The following PPP2R2C variants were observed in gnomAD, a reference collection of about 807,000 sequenced individuals.
PPP2R2C encodes the protein protein phosphatase 2, regulatory subunit B, gamma.
Under a neutral mutation model 45.3 loss-of-function variants are expected in PPP2R2C, and 10 were observed. That is an observed-to-expected ratio of 0.22 (90% CI 0.14 to 0.37). The LOEUF (loss-of-function observed/expected upper bound fraction) is 0.37. PPP2R2C is among the 10% of genes least tolerant of loss of function. PPP2R2C has a pLI of 1.00. For synonymous variants in PPP2R2C, 257 were observed against 245.4 expected (o/e 1.05, Z -0.44); for missense variants, 308 against 619.7 (o/e 0.50, Z 5.34).
intron 1 of PPP2R2C, among the ~76,000 whole-genome samples, chr4:6,413,262 C>T (rs993792589): frequency 4.7e-5 from 4 of 85,844 alleles, no homozygotes. Context: ...CATGTACTCG[C>T]ACACACATTG....
chr4:6,328,754 G>A lies in PPP2R2C; in HGVS notation c.1052+508C>T, dbSNP rs1222462489. Among the ~76,000 whole-genome samples, 2 of 152,210 alleles carry A rather than the reference G, an allele frequency of 1.3e-5. No homozygotes were observed. The highest frequency in any genetic ancestry group is 2.1e-4 in the South Asian group (1 of 4,832). ...ATTGTGACAAGCCCTGGAGGGTGTA[G>A]GAGCTCCAAGGTGCCCCTGAGCCTC... On this transcript the variant is annotated intron_variant, in intron 8 of 8. Transcript: ENST00000382599. The surrounding 1 kb of genome is among the most constrained non-coding windows in gnomAD (Gnocchi z 4.4).
upstream of PPP2R2C, among the ~76,000 whole-genome samples, chr4:6,472,657 T>A (rs914008232): frequency 1.3e-5 from 2 of 149,456 alleles, no homozygotes; most frequent in Non-Finnish European, 3.0e-5. Flanking sequence ...CGCAGGCCCC[T>A]CCCTCGCGCC....
chr4:6,327,593 G>C (rs1732050226), intron 8 of PPP2R2C, among the ~76,000 whole-genome samples: 1 of 152,208 alleles, frequency 6.6e-6, no homozygotes, highest in Non-Finnish European at 1.5e-5. Context: ...GACCCTCTTG[G>C]GACCCACTGC....
chr4:6,554,905 A>G (rs1199393782), intron 1 of PPP2R2C, among the ~76,000 whole-genome samples: 1 of 78,724 alleles, frequency 1.3e-5, no homozygotes, highest in Non-Finnish European at 2.7e-5. Flanking sequence ...GAAGGAAGGA[A>G]GGAAGGAAGG....
chr4:6,444,232 T>G (rs937861223), intron 1 of PPP2R2C, among the ~76,000 whole-genome samples: 1 of 152,060 alleles, frequency 6.6e-6, no homozygotes, highest in Non-Finnish European at 1.5e-5. Flanking sequence ...GATGGATAAA[T>G]AGAACAAGGG....
At chr4:6,327,073 G>C (rs1439104196) in intron 8 of PPP2R2C, among the ~76,000 whole-genome samples, 1 of 152,204 alleles carries the variant, frequency 6.6e-6, no homozygotes, top group African/African-American at 2.4e-5. Flanking sequence ...GTTGTTCTCA[G>C]AACAGTGCTC....
intron 1 of PPP2R2C, among the ~76,000 whole-genome samples, chr4:6,415,567 G>A (rs574409983): frequency 9.2e-5 from 14 of 152,232 alleles, no homozygotes; most frequent in African/African-American, 2.9e-4. Context: ...CTCAGAGGAC[G>A]GCCCTCACCC....
intron 1 of PPP2R2C, among the ~76,000 whole-genome samples, chr4:6,470,636 C>A (rs767349711): frequency 5.3e-5 from 8 of 152,224 alleles, no homozygotes; most frequent in Admixed American, 1.3e-4. Context: ...AGCAACCCGG[C>A]GGCTTCCTCC....
At chr4:6,363,558 G>A (rs1297192357) in intron 5 of PPP2R2C, among the ~76,000 whole-genome samples, 5 of 151,310 alleles carry the variant, frequency 3.3e-5, no homozygotes, top group Admixed American at 1.3e-4. Context: ...CAGCCTGGGC[G>A]ACACAGTGAG....
chr4:6,439,164 A>G (rs1350032477), intron 1 of PPP2R2C, among the ~76,000 whole-genome samples: 1 of 152,280 alleles, frequency 6.6e-6, no homozygotes, highest in Non-Finnish European at 1.5e-5. Flanking sequence ...AAGCAATTGC[A>G]AAAGCAGTTC....
intron 1 of PPP2R2C, among the ~76,000 whole-genome samples, chr4:6,541,941 G>T (rs761795909): frequency 6.6e-6 from 1 of 152,246 alleles, no homozygotes; most frequent in Non-Finnish European, 1.5e-5. Flanking sequence ...CATAGGTTCC[G>T]TCATCTAACA....
chr4:6,456,326 C>T (rs1721034166), intron 1 of PPP2R2C, among the ~76,000 whole-genome samples: 1 of 130,994 alleles, frequency 7.6e-6, no homozygotes, highest in African/African-American at 2.7e-5. Flanking sequence ...CCCCTTTATT[C>T]TACTGTCTAC....
At chr4:6,510,552 G>A (rs141580216) in intron 2 of PPP2R2C, among the ~76,000 whole-genome samples, 17 of 152,238 alleles carry the variant, frequency 1.1e-4, no homozygotes, top group Non-Finnish European at 1.9e-4. Context: ...CCACATGCAT[G>A]TGCATGCACA....
rs563959224 is a variant in PPP2R2C at position 6,378,192 on chromosome 4, A to G, written c.334+215T>C. 6.6e-6 allele frequency among the ~76,000 whole-genome samples: 1 copy of G among 151,646 alleles called. No homozygotes were observed. Among genetic ancestry groups the G allele is most frequent in the Non-Finnish European group, 1.5e-5 (1 of 67,868 alleles). On this transcript the variant is annotated intron_variant, in intron 3 of 8. Transcript: ENST00000382599. The surrounding 1 kb of genome is among the most constrained non-coding windows in gnomAD (Gnocchi z 5.2). Reference sequence around the variant, plus strand: ...ACTCATGGGATTTACATGCTGCTCAAAAAGGGGGGCAGCCCTGTGTCCAGA... The same window carrying G: ...ACTCATGGGATTTACATGCTGCTCAGAAAGGGGGGCAGCCCTGTGTCCAGA...
At chr4:6,555,905 T>A (rs777154336) in intron 1 of PPP2R2C, among the ~76,000 whole-genome samples, 1 of 152,186 alleles carries the variant, frequency 6.6e-6, no homozygotes, top group Non-Finnish European at 1.5e-5. Flanking sequence ...GCTGTGGCAG[T>A]GGCCAGCTCA....
At chr4:6,383,432 T>C in intron 1 of PPP2R2C, 1 of 1,289,450 alleles carries the variant, frequency 7.8e-7, no homozygotes, top group South Asian at 1.2e-5. Context: ...TCTACTGCTC[T>C]CCACCTGCTT....
chr4:6,427,254 G>A (rs1339624461), intron 1 of PPP2R2C, among the ~76,000 whole-genome samples: 4 of 152,202 alleles, frequency 2.6e-5, no homozygotes, highest in Non-Finnish European at 4.4e-5. Flanking sequence ...ATGAATAAAA[G>A]AACTGAGCTG....
intron 1 of PPP2R2C, among the ~76,000 whole-genome samples, chr4:6,557,785 G>A (rs1725458666): frequency 6.6e-6 from 1 of 152,040 alleles, no homozygotes; most frequent in African/African-American, 2.4e-5. Context: ...AAGAAGGAGA[G>A]GAGGCAGATC....
chr4:6,548,536 T>C (rs1232040833), intron 1 of PPP2R2C, among the ~76,000 whole-genome samples: 1 of 151,828 alleles, frequency 6.6e-6, no homozygotes, highest in Non-Finnish European at 1.5e-5. Flanking sequence ...CAGTTAGGAG[T>C]GAAGAGGTTT....
Sources: allele counts gnomAD v4.1 joint callset (sites outside exome capture counted in the v4.1 genomes callset), GRCh38; gene constraint gnomAD v4.1.1; non-coding constraint Gnocchi (gnomAD v3.1); transcripts MANE v1.5; gene names NCBI Gene and HGNC (gene_info 2026-07-23, HGNC 2026-07-21).